MAPK13: variants seen among roughly 807,000 people sequenced by gnomAD.
MAPK13 encodes the protein mitogen-activated protein kinase 13, also known as MAP kinase 13.
A neutral mutation model predicts 53.5 loss-of-function variants in MAPK13; 39 were observed. That is an observed-to-expected ratio of 0.73 (90% CI 0.56 to 0.95). The LOEUF (loss-of-function observed/expected upper bound fraction) is 0.95, where lower values mean the gene tolerates loss of function less well. Among genes scored for constraint, MAPK13 ranks in the 40% least tolerant of loss-of-function variants. MAPK13 has a pLI of 0.00. For synonymous variants in MAPK13, 179 were observed against 190.9 expected, an observed-to-expected ratio of 0.94 and a Z score of 0.51; for missense variants, 460 against 471.8, an observed-to-expected ratio of 0.98 and a Z score of 0.23.
chr6:36,140,492 G>C lies in MAPK13; in HGVS notation c.*1119G>C, dbSNP rs915094038. On this transcript the variant is annotated 3_prime_UTR_variant, in exon 12 of 12. Coordinates refer to ENST00000211287, the MANE Select transcript of MAPK13 (RefSeq NM_002754.5). ...GTCTCAAATTTCCTTGTGCACCAGG[G>C]GACTTGTTAAAATGCAGATTCCTGG... 3.7e-4 allele frequency: 57 copies of C among 152,756 alleles called. No individual in the cohort carries two copies. Among genetic ancestry groups the C allele is most frequent in the African/African-American group, 1.3e-3 (53 of 41,528 alleles). The allele number at this position is 152,756 out of a possible 1,614,324, so 9.5% of individuals were successfully genotyped here.
intron 3 of MAPK13, 86 bp downstream of exon 3, chr6:36,132,765 A>T: frequency 7.0e-7 from 1 of 1,437,924 alleles, no homozygotes; most frequent in Non-Finnish European, 9.8e-7. Context: ...TAGGGTTTCT[A>T]TTCCGGGTGT....
Position 36,144,436 on chromosome 6 carries a change from C to T in MAPK13, c.*5063C>T, listed in dbSNP as rs1766593033. 1 of 152,140 alleles carries T rather than the reference C, an allele frequency of 6.6e-6. No individual in the cohort carries two copies. Among genetic ancestry groups the T allele is most frequent in the Non-Finnish European group, 1.5e-5 (1 of 68,026 alleles). 9.4% of individuals were successfully genotyped at this position (152,140 alleles called of 1,614,324 possible). The stretch of plus-strand genomic sequence containing the variant: ...TGAAAAACTCTGTAATTTCTATTGG[C>T]ACTGCTGATACAACTGCACTTTGCT... On this transcript the variant is annotated 3_prime_UTR_variant, in exon 12 of 12. Coordinates refer to ENST00000211287, the MANE Select transcript of MAPK13 (RefSeq NM_002754.5).
intron 2 of MAPK13, 21 bp from the exon 3 acceptor site, chr6:36,132,600 C>G: frequency 6.2e-7 from 1 of 1,613,524 alleles, no homozygotes; most frequent in East Asian, 2.2e-5. Context: ...GTCTAGCCCT[C>G]ACAGGTGACT....
chr6:36,138,536 C>T, intron 9 of MAPK13, 92 bp downstream of exon 9: 2 of 1,348,138 alleles, frequency 1.5e-6, no homozygotes, highest in Non-Finnish European at 2.1e-6. Context: ...AGAAGGCTCA[C>T]CAGCACCTTC....
Position 36,139,329 on chromosome 6 carries a change from A to G in MAPK13, c.1054A>G (p.Ile352Val). 1 of 1,614,026 alleles carries G rather than the reference A, an allele frequency of 6.2e-7. No homozygotes were observed. Among genetic ancestry groups the G allele is most frequent in the Non-Finnish European group, 8.5e-7 (1 of 1,180,024 alleles). ...CAAGGAGATTGTGAACTTCAGCCCC[A>G]TTGCCCGGAAGGACTCACGGCGCCG... ...IYKEIVNFSP[I>V]ARKDSRRRSG... Residue 352 changes from isoleucine to valine, a missense_variant, in exon 12 of 12, where the codon ATT becomes GTT. By Grantham distance (29) the Ile-to-Val change is conservative. Transcript: ENST00000211287.
In MAPK13 at chr6:36,139,686, T is replaced by C. The variant is rs1480184692; in HGVS notation, c.*313T>C. ...GGGGCCTATGGCAGTGATGCTGTGT[T>C]GGTTTCCTAGGGATGCTCTAACGAA... On this transcript the variant is annotated 3_prime_UTR_variant, in exon 12 of 12. Transcript: ENST00000211287. The C allele has an allele frequency of 2.8e-6, 1 of 358,862 alleles. No homozygotes were observed. Among genetic ancestry groups the C allele is most frequent in the African/African-American group, 2.1e-5 (1 of 47,606 alleles). 22.2% of individuals were successfully genotyped at this position (358,862 alleles called of 1,614,324 possible). A position where few individuals can be genotyped will look rare whatever the true frequency, so the allele number is the denominator to read the frequency against.
intron 2 of MAPK13, among the ~76,000 whole-genome samples, 180 bp from the exon 3 acceptor site, chr6:36,132,441 C>T (rs1766339839): frequency 6.6e-6 from 1 of 152,232 alleles, no homozygotes; most frequent in African/African-American, 2.4e-5. Context: ...CCCTCCAAAT[C>T]CAGGGGATTC....
rs114316764 is a variant in MAPK13, at chr6:36,138,797, G to A, written c.841+17G>A. 9 of 1,613,904 alleles carry A rather than the reference G, an allele frequency of 5.6e-6. No individual in the cohort carries two copies. The highest frequency in any genetic ancestry group is 4.5e-5 in the East Asian group (2 of 44,880). On this transcript the variant is annotated intron_variant, in intron 10 of 11. Transcript: ENST00000211287. ...GCCCCCAGGGTGAGTCTCAGAGCCC[G>A]CTCCCCAGGGGCCTCTCAGCGTATC...
rs753873654 is a variant in MAPK13 at position 36,138,860 on chromosome 6, C to T, written c.842-19C>T. On this transcript the variant is annotated intron_variant, in intron 10 of 11. Transcript: ENST00000211287. ...CTCTCCCAGCCCCTGGTGTGAGGCT[C>T]TTGGCTCTGCCCCTGCAGCTGCGGA... 3.1e-6 allele frequency: 5 copies of T among 1,611,374 alleles called. No individual in the cohort carries two copies. The highest frequency in any genetic ancestry group is 3.4e-6 in the Non-Finnish European group (4 of 1,178,620).
chr6:36,131,783 T>C (rs1356169636), intron 2 of MAPK13, among the ~76,000 whole-genome samples: 1 of 152,166 alleles, frequency 6.6e-6, no homozygotes, highest in Admixed American at 6.5e-5. Context: ...GCACTTCCTA[T>C]GTTCTAAGAG....
intron 2 of MAPK13, 102 bp downstream of exon 2, chr6:36,131,502 T>C: frequency 8.5e-7 from 1 of 1,172,470 alleles, no homozygotes; most frequent in South Asian, 1.5e-5. Context: ...GACAGTCTCC[T>C]CCCTGCTCCC....
At position 36,131,301 on chromosome 6, in the gene MAPK13, G is replaced by A. The variant is rs747067465; in HGVS notation, c.150G>A (p.Lys50=). The A allele has an allele frequency of 1.9e-6, 3 of 1,613,844 alleles. No individual in the cohort carries two copies. The highest frequency in any genetic ancestry group is 2.5e-6 in the Non-Finnish European group (3 of 1,179,900). ...CCATCGACAAGCGGTCAGGGGAGAA[G>A]GTGGCCATCAAGAAGCTGAGCCGAC... ...CSAIDKRSGE[K]VAIKKLSRPF... is the part of the protein sequence containing the mutation. Residue 50 remains lysine (K), a synonymous_variant, in exon 2 of 12, where the codon AAG becomes AAA. Transcript: ENST00000211287.
At position 36,142,886 on chromosome 6, in the gene MAPK13, T is replaced by A. The variant is rs1359122541; in HGVS notation, c.*3513T>A. 8.8e-6 allele frequency: 1 copy of A among 113,392 alleles called. No homozygotes were observed. The highest frequency in any genetic ancestry group is 3.3e-5 in the African/African-American group (1 of 30,592). The allele number at this position is 113,392 out of a possible 1,614,324, so 7.0% of individuals were successfully genotyped here. On this transcript the variant is annotated 3_prime_UTR_variant, in exon 12 of 12. Transcript: ENST00000211287. The surrounding 1 kb of genome is among the most constrained non-coding windows in gnomAD (Gnocchi z 4.4). Reference sequence around the variant, plus strand: ...AGTGCAAGGTGGGGGGTGGAGGGGGTGGGGAGTAGAGGGAGTGGGGGTTCC... The same window carrying A: ...AGTGCAAGGTGGGGGGTGGAGGGGGAGGGGAGTAGAGGGAGTGGGGGTTCC...
chr6:36,139,725 G>A lies in MAPK13; in HGVS notation c.*352G>A, dbSNP rs918570920. On this transcript the variant is annotated 3_prime_UTR_variant, in exon 12 of 12. Coordinates refer to ENST00000211287, the MANE Select transcript of MAPK13 (RefSeq NM_002754.5). ...TGCTCTAACGAATTACCACAAACCT[G>A]GTGGATTGAAACAGCAGAACTTGAT... is the stretch of plus-strand genomic sequence containing the variant. 11 of 241,616 alleles carry A rather than the reference G, an allele frequency of 4.6e-5. No homozygotes were observed. The highest frequency in any genetic ancestry group is 6.5e-5 in the Non-Finnish European group (8 of 122,620). 15.0% of individuals were successfully genotyped at this position (241,616 alleles called of 1,614,324 possible). A position where few individuals can be genotyped will look rare whatever the true frequency, so the allele number is the denominator to read the frequency against.
In MAPK13 at chr6:36,143,991, C is replaced by CA. The variant is rs1382479889; in HGVS notation, c.*4622dup. The CA allele has an allele frequency of 6.6e-6, 1 of 152,182 alleles. No homozygotes were observed. The highest frequency in any genetic ancestry group is 2.4e-5 in the African/African-American group (1 of 41,436). The allele number at this position is 152,182 out of a possible 1,614,324, so 9.4% of individuals were successfully genotyped here. Reference sequence around the variant, plus strand: ...ATTTTTTGTGCCATGGATCGCTTCTCAAAATCATATTTTCTTTTCTTTTCT... The same window carrying CA: ...ATTTTTTGTGCCATGGATCGCTTCTCAAAAATCATATTTTCTTTTCTTTTCT... On this transcript the variant is annotated 3_prime_UTR_variant, in exon 12 of 12. Coordinates refer to ENST00000211287, the MANE Select transcript of MAPK13 (RefSeq NM_002754.5).
Position 36,131,392 on chromosome 6 carries a change from C to T in MAPK13, c.241C>T (p.His81Tyr), listed in dbSNP as rs753649504. 1 of 1,612,790 alleles carries T rather than the reference C, an allele frequency of 6.2e-7. No individual in the cohort carries two copies. The highest frequency in any genetic ancestry group is 1.1e-5 in the South Asian group (1 of 91,008). Residue 81 changes from histidine (H) to tyrosine (Y), a missense_variant, in exon 2 of 12, where the codon CAT (histidine) becomes TAT (tyrosine). His to Tyr is a moderately conservative substitution (Grantham distance 83). Transcript: ENST00000211287. ...RELLLLKHMQ[H>Y]ENVIGLLDVF... ...GCTGCTGCTGCTGAAGCACATGCAG[C>T]ATGAGAACGTAGGTGGTGGCTGCCC...
intron 5 of MAPK13, 68 bp downstream of exon 5, chr6:36,136,116 A>C: frequency 6.3e-7 from 1 of 1,586,288 alleles, no homozygotes; most frequent in Admixed American, 1.7e-5. Context: ...GTTCTCTGGC[A>C]ATCAAGGAGT....
Position 36,138,444 on chromosome 6 carries a change from G to A in MAPK13, c.762G>A (p.Ala254=), listed in dbSNP as rs571583308. Reference sequence around the variant, plus strand: ...TTGTGCAGAAGCTGAACGACAAAGCGGTGGGTGGTAAATGGGACCTAGGCT... The same window carrying A: ...TTGTGCAGAAGCTGAACGACAAAGCAGTGGGTGGTAAATGGGACCTAGGCT... ...TEFVQKLNDK[A]AKSYIQSLPQ... is the part of the protein sequence containing the mutation. Residue 254 remains alanine (A), a splice_region_variant and synonymous_variant, in exon 9 of 12, where the codon GCG becomes GCA. Transcript: ENST00000211287. 9.3e-6 allele frequency: 15 copies of A among 1,613,846 alleles called. No individual in the cohort carries two copies. Among genetic ancestry groups the A allele is most frequent in the Middle Eastern group, 1.7e-4 (1 of 6,060 alleles).
chr6:36,139,995 C>CT lies in MAPK13; in HGVS notation c.*622_*623insT. ...TAATCCTGTGTGATCTTATCTTGAT[C>CT]CTTATTAATTAAACCTGCAAATACT... On this transcript the variant is annotated 3_prime_UTR_variant, in exon 12 of 12. Transcript: ENST00000211287. 1 of 152,370 alleles carries CT rather than the reference C, an allele frequency of 6.6e-6. No homozygotes were observed. The highest frequency in any genetic ancestry group is 2.1e-4 in the South Asian group (1 of 4,830). The allele number at this position is 152,370 out of a possible 1,614,324, so 9.4% of individuals were successfully genotyped here. A position where few individuals can be genotyped will look rare whatever the true frequency, so the allele number is the denominator to read the frequency against.
Sources: gnomAD v4.1 joint callset for allele counts (sites outside exome capture counted in the v4.1 genomes callset) on GRCh38, gnomAD v4.1.1 for gene constraint, Gnocchi (gnomAD v3.1) non-coding constraint, MANE v1.5 for transcripts, NCBI Gene and HGNC (gene_info 2026-07-23, HGNC 2026-07-21) for gene names.